The following SLIT3 variants were observed in gnomAD, a reference collection of about 807,000 sequenced individuals.
SLIT3 encodes the protein slit guidance ligand 3.
Under a neutral mutation model 184.0 loss-of-function variants are expected in SLIT3, and 68 were observed. The ratio of observed to expected loss-of-function variants is 0.37; its 90% CI spans 0.30 to 0.45. The LOEUF (loss-of-function observed/expected upper bound fraction) is 0.45. SLIT3 is among the 20% of genes least tolerant of loss of function. SLIT3 has a pLI of 1.00. For missense variants in SLIT3, 1,707 were observed against 2,026.0 expected (o/e 0.84, Z 3.02); for synonymous variants, 831 against 828.6 (o/e 1.00, Z -0.05).
At chr5:169,200,421 G>A (rs538311318) in intron 3 of SLIT3, among the ~76,000 whole-genome samples, 1 of 152,224 alleles carries the variant, frequency 6.6e-6, no homozygotes, top group South Asian at 2.1e-4. Context: ...ACACTCACAT[G>A]TCTCAACAAC....
At chr5:169,008,270 A>T (rs916485841) in intron 4 of SLIT3, among the ~76,000 whole-genome samples, 2 of 152,212 alleles carry the variant, frequency 1.3e-5, no homozygotes, top group African/African-American at 2.4e-5. Context: ...GAAAAAAAGC[A>T]AATGATTCCT....
intron 4 of SLIT3, among the ~76,000 whole-genome samples, chr5:169,178,303 G>C (rs935739410): frequency 2.0e-5 from 3 of 152,224 alleles, no homozygotes; most frequent in African/African-American, 7.2e-5. Flanking sequence ...CAACAAACCA[G>C]AAATCTGAGT....
rs1760970918 is a variant in SLIT3 at position 168,664,471 on chromosome 5, A to G, written c.*1983T>C. 2.0e-5 allele frequency: 3 copies of G among 152,166 alleles called. No homozygotes were observed. The South Asian group carries it at 6.2e-4, about 32-fold the overall frequency. 9.4% of individuals were successfully genotyped at this position (152,166 alleles called of 1,614,324 possible). On this transcript the variant is annotated 3_prime_UTR_variant, in exon 36 of 36. Transcript: ENST00000519560. ...ATTTTTAGATAAATTCCTCAGCTAT[A>G]TCCCTCTCTCCCTTCTCTTCATCCC...
chr5:169,233,710 A>C (rs1307947790), intron 3 of SLIT3, among the ~76,000 whole-genome samples: 1 of 152,262 alleles, frequency 6.6e-6, no homozygotes, highest in Admixed American at 6.5e-5. Flanking sequence ...CATCATTTAA[A>C]TAATGGCACT....
chr5:168,710,853 C>A (rs1762532970), intron 25 of SLIT3, 42 bp downstream of exon 25: 2 of 1,452,174 alleles, frequency 1.4e-6, no homozygotes. Flanking sequence ...CACAGCAGAC[C>A]CCAAGAGGGG....
At chr5:168,916,132 C>T (rs984422898) in intron 4 of SLIT3, among the ~76,000 whole-genome samples, 2 of 152,338 alleles carry the variant, frequency 1.3e-5, no homozygotes, top group African/African-American at 4.8e-5. Flanking sequence ...ACCACCACCA[C>T]ACAAATAGCA....
chr5:168,862,143 T>C (rs921949405), intron 5 of SLIT3, among the ~76,000 whole-genome samples: 8 of 152,112 alleles, frequency 5.3e-5, no homozygotes, highest in Non-Finnish European at 1.0e-4. Context: ...GTCAAAGGAA[T>C]CTCTCGAGAT....
At chr5:169,234,933 T>G (rs1420578568) in intron 3 of SLIT3, among the ~76,000 whole-genome samples, 1 of 152,248 alleles carries the variant, frequency 6.6e-6, no homozygotes, top group Non-Finnish European at 1.5e-5. Flanking sequence ...TCTTTCATTA[T>G]GAGTCTCTGA....
Position 168,748,285 on chromosome 5 carries a change from C to T in SLIT3, c.2270+17G>A, listed in dbSNP as rs1365513727. The T allele has an allele frequency of 6.9e-7, 1 of 1,454,410 alleles. No individual in the cohort carries two copies. The highest frequency in any genetic ancestry group is 1.5e-5 in the African/African-American group (1 of 67,450). 90.1% of individuals were successfully genotyped at this position (1,454,410 alleles called of 1,614,324 possible). ...GGTGAGATGACAGGGTGCTTGGAGGCAGCTGGGGGTACTTACAGCTCGGTC... is the reference window on the plus strand; with the variant it reads ...GGTGAGATGACAGGGTGCTTGGAGGTAGCTGGGGGTACTTACAGCTCGGTC... On this transcript the variant is annotated intron_variant, in intron 20 of 35. Coordinates refer to ENST00000519560, the MANE Select transcript of SLIT3 (RefSeq NM_003062.4).
chr5:168,750,989 G>A (rs1754676585), intron 18 of SLIT3, among the ~76,000 whole-genome samples: 1 of 151,946 alleles, frequency 6.6e-6, no homozygotes, highest in African/African-American at 2.4e-5. Flanking sequence ...GGCTATGGCA[G>A]AGGGGTAGAA....
chr5:169,099,770 G>A (rs1156733791), intron 4 of SLIT3, among the ~76,000 whole-genome samples: 1 of 152,184 alleles, frequency 6.6e-6, no homozygotes, highest in Non-Finnish European at 1.5e-5. Flanking sequence ...GGGGAGGATG[G>A]TAACACAGTG....
Position 168,724,407 on chromosome 5 carries a change from G to C in SLIT3, c.2339+9C>G, listed in dbSNP as rs1267355985. 2.5e-6 allele frequency: 4 copies of C among 1,610,492 alleles called. No homozygotes were observed. In the East Asian group the frequency reaches 8.9e-5, roughly 36 times the overall value. Reference sequence around the variant, plus strand: ...AAATAAACATCCCACCCAATACTGGGCTCCTTACATAAGCGTCAGGTGTCG... The same window carrying C: ...AAATAAACATCCCACCCAATACTGGCCTCCTTACATAAGCGTCAGGTGTCG... On this transcript the variant is annotated intron_variant, in intron 21 of 35. Coordinates refer to ENST00000519560, the MANE Select transcript of SLIT3 (RefSeq NM_003062.4).
intron 26 of SLIT3, among the ~76,000 whole-genome samples, chr5:168,703,648 A>G (rs1188569940): frequency 2.6e-5 from 4 of 152,096 alleles, no homozygotes; most frequent in Non-Finnish European, 5.9e-5. Context: ...AAAGGTTGGG[A>G]ATCAACCTTT....
chr5:169,116,866 T>C (rs919945182), intron 4 of SLIT3, among the ~76,000 whole-genome samples: 2 of 152,194 alleles, frequency 1.3e-5, no homozygotes, highest in Non-Finnish European at 2.9e-5. Flanking sequence ...GGGAATCTAA[T>C]AAAAAGCAAG....
At chr5:169,022,863 T>G (rs1363015255) in intron 4 of SLIT3, 1 of 152,064 alleles carries the variant, frequency 6.6e-6, no homozygotes, top group East Asian at 1.9e-4. Flanking sequence ...TCAAACATGT[T>G]AAGTACACCC....
chr5:168,981,382 G>T (rs117459736), intron 4 of SLIT3, among the ~76,000 whole-genome samples: 1 of 152,084 alleles, frequency 6.6e-6, no homozygotes, highest in Non-Finnish European at 1.5e-5. Flanking sequence ...ACAGATTCCC[G>T]GGATTGCAAT....
intron 5 of SLIT3, among the ~76,000 whole-genome samples, chr5:168,851,084 GAGGCCGAGGC>G (rs1182052187): frequency 6.6e-6 from 1 of 152,130 alleles, no homozygotes; most frequent in Non-Finnish European, 1.5e-5. Context: ...AGCACTTTGG[GAGGCCGAGGC>G]AGGGGGATCA....
intron 7 of SLIT3, among the ~76,000 whole-genome samples, chr5:168,818,606 C>T (rs1453494309): frequency 2.0e-5 from 3 of 152,220 alleles, no homozygotes; most frequent in South Asian, 4.1e-4. Flanking sequence ...CCTGGACATG[C>T]TAATCAGCTA....
chr5:169,260,036 C>T (rs1011625173), intron 1 of SLIT3, among the ~76,000 whole-genome samples: 6 of 152,092 alleles, frequency 3.9e-5, no homozygotes, highest in Non-Finnish European at 7.4e-5. Flanking sequence ...ATTCAAGTTC[C>T]CACAGCATAG....
Sources: gnomAD v4.1 joint callset for allele counts (sites outside exome capture counted in the v4.1 genomes callset) on GRCh38, gnomAD v4.1.1 for gene constraint, MANE v1.5 for transcripts, NCBI Gene and HGNC (gene_info 2026-07-23, HGNC 2026-07-21) for gene names.